UGT1A8: variants seen among roughly 807,000 people sequenced by gnomAD.
UGT1A8 encodes UDP-glucuronosyltransferase 1A8.
A neutral mutation model predicts 45.3 loss-of-function variants in UGT1A8; 39 were observed. That is an observed-to-expected ratio of 0.86 (90% CI 0.67 to 1.12). UGT1A8 has a LOEUF of 1.12. Among genes scored for constraint, UGT1A8 ranks in the 50% most tolerant of loss-of-function variants. The pLI is 0.00. For synonymous variants in UGT1A8, 275 were observed against 249.2 expected (o/e 1.10, Z -0.97); for missense variants, 719 against 664.9 (o/e 1.08, Z -0.90).
At chr2:233,746,235 C>T (rs565676121) in intron 1 of UGT1A8, among the ~76,000 whole-genome samples, 3 of 151,598 alleles carry the variant, frequency 2.0e-5, no homozygotes, top group Non-Finnish European at 4.4e-5. Flanking sequence ...ATGCAAACTG[C>T]TAAAAGATAC....
At chr2:233,647,893 T>A (rs2125472299) in intron 1 of UGT1A8, 1 of 1,539,870 alleles carries the variant, frequency 6.5e-7, no homozygotes, top group South Asian at 1.2e-5. Flanking sequence ...ATTTCTACAC[T>A]GAAGTTAGCC....
intron 1 of UGT1A8, among the ~76,000 whole-genome samples, chr2:233,653,989 CT>C (rs1463243738): frequency 6.6e-6 from 1 of 152,200 alleles, no homozygotes; most frequent in East Asian, 1.9e-4. Flanking sequence ...ATGCCTAATG[CT>C]TACACACTTA....
intron 1 of UGT1A8, among the ~76,000 whole-genome samples, chr2:233,724,309 C>T (rs1481957391): frequency 1.9e-4 from 27 of 145,654 alleles, no homozygotes; most frequent in East Asian, 8.6e-4. Flanking sequence ...ACCTCCCTCC[C>T]GGACGGGGCG....
At chr2:233,672,028 C>T (rs1359293949) in intron 1 of UGT1A8, 2 of 1,614,004 alleles carry the variant, frequency 1.2e-6, no homozygotes, top group African/African-American at 1.3e-5. Flanking sequence ...ACTGGTAGTG[C>T]CCATGGATGG....
At chr2:233,747,385 C>G in intron 1 of UGT1A8, 2 of 1,604,764 alleles carry the variant, frequency 1.2e-6, no homozygotes, top group East Asian at 4.5e-5. Flanking sequence ...GGCCACCAGG[C>G]GGTGGTCCTC....
chr2:233,695,519 ATTTC>A (rs1302845104), intron 1 of UGT1A8, among the ~76,000 whole-genome samples: 1 of 150,492 alleles, frequency 6.6e-6, no homozygotes, highest in East Asian at 1.9e-4. Context: ...TACAAATTTT[ATTTC>A]TTTTTTCTTT....
rs762067674 is a variant in UGT1A8 at position 233,713,351 on chromosome 2, G to A, written c.856-53683G>A. 1.7e-5 allele frequency: 27 copies of A among 1,614,060 alleles called. No homozygotes were observed. Among genetic ancestry groups the A allele is most frequent in the Admixed American group, 5.0e-5 (3 of 60,000 alleles). On this transcript the variant is annotated intron_variant, in intron 1 of 4. Transcript: ENST00000373450. ...GAAGAATGGCAATTATGAACAATATGTCTTTGATCATACATAGGTCTTGTG... is the reference window on the plus strand; with the variant it reads ...GAAGAATGGCAATTATGAACAATATATCTTTGATCATACATAGGTCTTGTG...
chr2:233,627,840 C>G (rs1330968499), intron 1 of UGT1A8, among the ~76,000 whole-genome samples: 1 of 151,968 alleles, frequency 6.6e-6, no homozygotes, highest in South Asian at 2.1e-4. Context: ...ATTCCAGCAT[C>G]ATTAGGGGCA....
In UGT1A8 at chr2:233,743,533, T is replaced by C. The variant is rs755870649; in HGVS notation, c.856-23501T>C. 6.6e-6 allele frequency: 9 copies of C among 1,367,096 alleles called. No individual in the cohort carries two copies. The African/African-American group carries it at 1.0e-4, about 16-fold the overall frequency. The allele number at this position is 1,367,096 out of a possible 1,614,324, so 84.7% of individuals were successfully genotyped here. ...CGCTCTGCTTCTGCTTCCCCAGCAG[T>C]TCCTCTGACCCCCCCAAAATATTCT... On this transcript the variant is annotated intron_variant, in intron 1 of 4. Coordinates refer to ENST00000373450, the MANE Select transcript of UGT1A8 (RefSeq NM_019076.5).
At chr2:233,716,588 CA>C (rs1029080788) in intron 1 of UGT1A8, among the ~76,000 whole-genome samples, 5 of 152,142 alleles carry the variant, frequency 3.3e-5, no homozygotes. Flanking sequence ...TTTCAAAGAG[CA>C]AAAATTTTAG....
At position 233,691,540 on chromosome 2, in the gene UGT1A8, T is replaced by C. The variant is rs924016085; in HGVS notation, c.855+72978T>C. 7.1e-6 allele frequency: 7 copies of C among 985,598 alleles called. No individual in the cohort carries two copies. In the South Asian group the frequency reaches 3.3e-4, roughly 46 times the overall value. The allele number at this position is 985,598 out of a possible 1,614,324, so 61.1% of individuals were successfully genotyped here. ...GTGTGCATGACTAGCTCTGGGCAAG[T>C]CTGTTCTAGTAATTCAAGGTACCAC... On this transcript the variant is annotated intron_variant, in intron 1 of 4. Transcript: ENST00000373450.
intron 1 of UGT1A8, among the ~76,000 whole-genome samples, chr2:233,730,236 G>A (rs544044923): frequency 9.9e-4 from 150 of 152,270 alleles, no homozygotes; most frequent in African/African-American, 3.5e-3. Context: ...GGATGGACAA[G>A]GACTGGTGTG....
chr2:233,712,450 C>T (rs1338791134), intron 1 of UGT1A8, among the ~76,000 whole-genome samples: 1 of 152,288 alleles, frequency 6.6e-6, no homozygotes, highest in East Asian at 1.9e-4. Context: ...CGACCAAAAC[C>T]AGATAGCCAG....
intron 1 of UGT1A8, among the ~76,000 whole-genome samples, chr2:233,724,488 CG>C (rs1207122697): frequency 1.4e-5 from 1 of 72,502 alleles, no homozygotes; most frequent in Non-Finnish European, 2.9e-5. Context: ...TCAGACGGGG[CG>C]GCCGGGCAGA....
intron 1 of UGT1A8, among the ~76,000 whole-genome samples, chr2:233,764,630 G>T (rs2126011376): frequency 6.6e-6 from 1 of 152,148 alleles, no homozygotes; most frequent in Middle Eastern, 3.4e-3. Context: ...GAAGAGCAAA[G>T]GTCCTAGGAA....
intron 1 of UGT1A8, among the ~76,000 whole-genome samples, chr2:233,665,811 T>C (rs1200558229): frequency 1.3e-5 from 2 of 151,752 alleles, no homozygotes; most frequent in Non-Finnish European, 2.9e-5. Flanking sequence ...AACAGTGGAG[T>C]AGTTGTGATC....
At chr2:233,704,442 T>C (rs957652492) in intron 1 of UGT1A8, among the ~76,000 whole-genome samples, 1 of 152,198 alleles carries the variant, frequency 6.6e-6, no homozygotes, top group African/African-American at 2.4e-5. Context: ...AATATTGAAA[T>C]GTCATTCCTA....
chr2:233,633,866 G>T (rs540765366), intron 1 of UGT1A8, among the ~76,000 whole-genome samples: 2 of 151,946 alleles, frequency 1.3e-5, no homozygotes, highest in Non-Finnish European at 2.9e-5. Flanking sequence ...GAATTTGTTT[G>T]CTCTTGCTTC....
chr2:233,716,115 A>G (rs2076487299), intron 1 of UGT1A8, among the ~76,000 whole-genome samples: 1 of 152,126 alleles, frequency 6.6e-6, no homozygotes, highest in Non-Finnish European at 1.5e-5. Flanking sequence ...TAGTTTTTCC[A>G]TCTTAGTTTT....
Sources: allele counts gnomAD v4.1 joint callset (sites outside exome capture counted in the v4.1 genomes callset), GRCh38; gene constraint gnomAD v4.1.1; transcripts MANE v1.5; gene names NCBI Gene and HGNC (gene_info 2026-07-23, HGNC 2026-07-21).